FUBP3: variants seen among roughly 807,000 people sequenced by gnomAD.
The protein encoded by FUBP3 is far upstream element-binding protein 3.
A neutral mutation model predicts 85.6 loss-of-function variants in FUBP3; 28 were observed. The observed-to-expected ratio is 0.33, with a 90% confidence interval of 0.24 to 0.45. The LOEUF is 0.45. FUBP3 is among the 20% of genes least tolerant of loss of function. The probability of loss-of-function intolerance (pLI) is 1.00; values close to 1 mark genes in which losing one functional copy is unlikely to be tolerated. For synonymous variants in FUBP3, 271 were observed against 271.4 expected (o/e 1.00, Z 0.01); for missense variants, 583 against 755.1 (o/e 0.77, Z 2.67).
At chr9:130,632,346 A>G in intron 16 of FUBP3, 68 bp downstream of exon 16, 1 of 1,221,618 alleles carries the variant, frequency 8.2e-7, no homozygotes, top group South Asian at 1.2e-5. Flanking sequence ...TCCTGGGGCC[A>G]AAACGCCCTC....
At position 130,579,733 on chromosome 9, in the gene FUBP3, G is replaced by C. The variant is rs1288930578; in HGVS notation, c.53G>C (p.Gly18Ala). The change falls in exon 1 of 19, where the codon GGC (glycine) becomes GCC (alanine). Residue 18 changes from glycine (G) to alanine (A), a missense_variant. This residue lies in a region of FUBP3 where 177 missense variants were observed against 221.9 expected (regional missense o/e 0.80). Transcript: ENST00000319725. ...GCTCCTGTGGGGATGAAGGCCGAGG[G>C]CTTCGTGGATGCCCTGCACCGGGTC... ...QSAPVGMKAE[G>A]FVDALHRVRQ... 1 of 1,280,620 alleles carries C rather than the reference G, an allele frequency of 7.8e-7. No individual in the cohort carries two copies. Among genetic ancestry groups the C allele is most frequent in the Non-Finnish European group, 9.9e-7 (1 of 1,010,322 alleles). 79.3% of individuals were successfully genotyped at this position (1,280,620 alleles called of 1,614,324 possible). A position where few individuals can be genotyped will look rare whatever the true frequency, so the allele number is the denominator to read the frequency against.
intron 5 of FUBP3, 46 bp from the exon 6 acceptor site, chr9:130,614,242 G>T (rs748365429): frequency 4.0e-6 from 5 of 1,249,202 alleles, no homozygotes; most frequent in African/African-American, 1.5e-5. Flanking sequence ...AGGTGCATGT[G>T]CCCGGTGCCC....
At chr9:130,620,561 T>C (rs557651844) in intron 9 of FUBP3, 103 bp downstream of exon 9, 1 of 557,972 alleles carries the variant, frequency 1.8e-6, no homozygotes, top group African/African-American at 1.9e-5. Context: ...TTAAGTTTTG[T>C]CTCAAAACCT....
chr9:130,597,860 T>C (rs990174600), intron 2 of FUBP3, among the ~76,000 whole-genome samples: 1 of 152,222 alleles, frequency 6.6e-6, no homozygotes, highest in African/African-American at 2.4e-5. Flanking sequence ...ATACAGCCTG[T>C]TGTTACCTAA....
intron 2 of FUBP3, among the ~76,000 whole-genome samples, chr9:130,603,519 G>A (rs1305182201): frequency 1.3e-5 from 2 of 152,110 alleles, no homozygotes; most frequent in African/African-American, 2.4e-5. Context: ...ATTCAGAAGT[G>A]AGATGATACT....
intron 7 of FUBP3, among the ~76,000 whole-genome samples, chr9:130,617,451 G>T (rs1178119713): frequency 6.6e-6 from 1 of 152,180 alleles, no homozygotes; most frequent in Non-Finnish European, 1.5e-5. Context: ...GTAGAAAGAT[G>T]GCAGGACTTG....
At chr9:130,586,191 C>T (rs1038069845) in intron 1 of FUBP3, among the ~76,000 whole-genome samples, 1 of 152,180 alleles carries the variant, frequency 6.6e-6, no homozygotes, top group Non-Finnish European at 1.5e-5. Flanking sequence ...TTACAAATCA[C>T]TTGCAAGACT....
intron 11 of FUBP3, among the ~76,000 whole-genome samples, chr9:130,624,574 C>G (rs1450813614): frequency 6.6e-6 from 1 of 151,940 alleles, no homozygotes; most frequent in African/African-American, 2.4e-5. Context: ...CAGCCCAACA[C>G]AAATTCATAA....
chr9:130,588,499 A>G (rs1345836701), intron 1 of FUBP3, among the ~76,000 whole-genome samples: 2 of 151,938 alleles, frequency 1.3e-5, no homozygotes, highest in Admixed American at 1.3e-4. Context: ...TGATCCATGT[A>G]TTTTTCTGTG....
chr9:130,607,416 G>A (rs1025671515), intron 2 of FUBP3, among the ~76,000 whole-genome samples: 4 of 152,114 alleles, frequency 2.6e-5, no homozygotes, highest in African/African-American at 9.7e-5. Flanking sequence ...AACTACACCT[G>A]TATATGCTGG....
At chr9:130,580,246 G>T (rs759935494) in intron 1 of FUBP3, among the ~76,000 whole-genome samples, 1 of 152,242 alleles carries the variant, frequency 6.6e-6, no homozygotes, top group Non-Finnish European at 1.5e-5. Context: ...GCTCTTTGGA[G>T]AGGTGAGAGA....
chr9:130,631,221 G>A, intron 13 of FUBP3: 2 of 1,239,518 alleles, frequency 1.6e-6, no homozygotes, highest in Non-Finnish European at 1.0e-6. Context: ...ATGGGCCACT[G>A]CTCACCTCAA....
intron 2 of FUBP3, among the ~76,000 whole-genome samples, chr9:130,598,832 G>T (rs1009042107): frequency 1.3e-5 from 2 of 152,066 alleles, no homozygotes; most frequent in Non-Finnish European, 2.9e-5. Flanking sequence ...TCCCCCAAAG[G>T]CTCCCACATC....
chr9:130,632,188 CTTG>C lies in FUBP3; in HGVS notation c.1434-11_1434-9del. 2 of 1,610,966 alleles carry C rather than the reference CTTG, an allele frequency of 1.2e-6. No individual in the cohort carries two copies. Among genetic ancestry groups the C allele is most frequent in the South Asian group, 2.2e-5 (2 of 91,026 alleles). ...GCCCCCTATAGGAACGAGTGACCCT[CTTG>C]TTATCCACAGTGGTCCTCCGGCCTT... is the stretch of plus-strand genomic sequence containing the variant. On this transcript the variant is annotated splice_polypyrimidine_tract_variant and intron_variant, in intron 15 of 18. Transcript: ENST00000319725.
At chr9:130,598,835 C>G (rs765346355) in intron 2 of FUBP3, among the ~76,000 whole-genome samples, 12 of 152,272 alleles carry the variant, frequency 7.9e-5, no homozygotes, top group Non-Finnish European at 1.6e-4. Context: ...CCCAAAGGCT[C>G]CCACATCTAA....
Position 130,617,820 on chromosome 9 carries a change from C to T in FUBP3, c.591C>T (p.Val197=). The T allele has an allele frequency of 6.2e-7, 1 of 1,605,170 alleles. No homozygotes were observed. Among genetic ancestry groups the T allele is most frequent in the Non-Finnish European group, 8.5e-7 (1 of 1,171,822 alleles). The change falls in exon 8 of 19, where the codon GTC becomes GTT. Residue 197 remains valine, a synonymous_variant. Transcript: ENST00000319725. ...QLQERTGVKM[V]MIQDGPLPTG... is the part of the protein sequence containing the mutation. ...AGGAGCGGACAGGGGTGAAGATGGT[C>T]ATGATCCAGGATGGCCCATTGCCCA...
chr9:130,620,002 A>G (rs575471696), intron 8 of FUBP3, among the ~76,000 whole-genome samples: 2 of 152,194 alleles, frequency 1.3e-5, no homozygotes, highest in African/African-American at 4.8e-5. Flanking sequence ...GCATCAAGAA[A>G]CACCTAGGCC....
Position 130,589,673 on chromosome 9 carries a change from GTGTATA to G in FUBP3, c.85-5808_85-5803del, listed in dbSNP as rs1454956538. 4.7e-3 allele frequency among the ~76,000 whole-genome samples: 132 copies of G among 28,334 alleles called. 3 individuals are homozygous for G. Among genetic ancestry groups the G allele is most frequent in the African/African-American group, 0.016 (121 of 7,646 alleles). The allele number at this position is 28,334 out of a possible 152,430, so 18.6% of individuals were successfully genotyped here. A position where few individuals can be genotyped will look rare whatever the true frequency, so the allele number is the denominator to read the frequency against. On this transcript the variant is annotated intron_variant, in intron 1 of 18. Coordinates refer to ENST00000319725, the MANE Select transcript of FUBP3 (RefSeq NM_003934.2). ...TTATTTTAAATATGTATGTATGTGT[GTGTATA>G]TATATATATATATATATATATATAT...
In FUBP3 at chr9:130,635,920, A is replaced by T; in HGVS notation, c.1583-79A>T. 1.4e-6 allele frequency: 2 copies of T among 1,453,332 alleles called. No individual in the cohort carries two copies. Among genetic ancestry groups the T allele is most frequent in the South Asian group, 1.3e-5 (1 of 78,706 alleles). The allele number at this position is 1,453,332 out of a possible 1,614,324, so 90.0% of individuals were successfully genotyped here. A position where few individuals can be genotyped will look rare whatever the true frequency, so the allele number is the denominator to read the frequency against. Reference sequence around the variant, plus strand: ...TTCCAGCCGTCCGGAGGGAGAGCAGATGCCCAGGGCCTTTGGGAAGGGTCC... The same window carrying T: ...TTCCAGCCGTCCGGAGGGAGAGCAGTTGCCCAGGGCCTTTGGGAAGGGTCC... On this transcript the variant is annotated intron_variant, in intron 17 of 18. Transcript: ENST00000319725. This position sits in a 1 kb window ranked among gnomAD's most constrained non-coding sequence, Gnocchi z 4.3.
Sources: gnomAD v4.1 joint callset for allele counts (sites outside exome capture counted in the v4.1 genomes callset) on GRCh38, gnomAD v4.1.1 for gene constraint, gnomAD v4.1.1 regional missense constraint, Gnocchi (gnomAD v3.1) non-coding constraint, MANE v1.5 for transcripts, NCBI Gene and HGNC (gene_info 2026-07-23, HGNC 2026-07-21) for gene names.